Variants in CHD7 observed in about 807,000 individuals in gnomAD.
The protein encoded by CHD7 is chromodomain helicase DNA binding protein 7, also known as ATP-dependent chromatin remodeler CHD7.
CHD7 carries 24 observed loss-of-function variants against 307.3 expected under a neutral mutation model. The ratio of observed to expected loss-of-function variants is 0.08; its 90% CI spans 0.06 to 0.11. The LOEUF is 0.11. CHD7 is among the 10% of genes least tolerant of loss of function. CHD7 has a pLI of 1.00. For missense variants in CHD7, 3,106 were observed against 3,727.1 expected (o/e 0.83, Z 4.34); for synonymous variants, 1,363 against 1,349.9 (o/e 1.01, Z -0.21).
rs1216364151 is a variant in CHD7 at position 60,741,893 on chromosome 8, A to G, written c.461A>G (p.Asp154Gly). Residue 154 changes from aspartate (D) to glycine (G), a missense_variant, in exon 2 of 38, where the codon GAC becomes GGC. Asp to Gly is a moderately conservative substitution (Grantham distance 94). Transcript: ENST00000423902. ...GGCCCCAGGGCTGTTCAGGTACCAG[A>G]CCAGATACGAGCCCCCTACCAGCAG... ...MWGPRAVQVP[D>G]QIRAPYQQQQ... 1 of 1,613,276 alleles carries G rather than the reference A, an allele frequency of 6.2e-7. No individual in the cohort carries two copies. The highest frequency in any genetic ancestry group is 1.3e-5 in the African/African-American group (1 of 74,978).
chr8:60,865,780 T>C lies in CHD7; in HGVS notation c.8841T>C (p.Phe2947=), dbSNP rs1196024305. 1 of 1,613,888 alleles carries C rather than the reference T, an allele frequency of 6.2e-7. No homozygotes were observed. Among genetic ancestry groups the C allele is most frequent in the Non-Finnish European group, 8.5e-7 (1 of 1,179,890 alleles). Residue 2947 remains phenylalanine, a synonymous_variant, in exon 38 of 38, where the codon TTT becomes TTC. Transcript: ENST00000423902. This position sits in a 1 kb window ranked among gnomAD's most constrained non-coding sequence, Gnocchi z 4.3. ...CTGACAAGGCTGAGGGAGGACCCTT[T>C]AAAGATGGAGAGACCCTTGAAGGCA... The part of the protein sequence containing the change: ...KAADKAEGGP[F]KDGETLEGSD...
At chr8:60,774,483 C>T (rs552104753) in intron 2 of CHD7, among the ~76,000 whole-genome samples, 2 of 152,216 alleles carry the variant, frequency 1.3e-5, no homozygotes, top group African/African-American at 4.8e-5. Flanking sequence ...GCTCAGCACC[C>T]TCTTCCCATT....
At chr8:60,785,204 A>G (rs961178562) in intron 3 of CHD7, among the ~76,000 whole-genome samples, 2 of 152,186 alleles carry the variant, frequency 1.3e-5, no homozygotes, top group African/African-American at 2.4e-5. Context: ...AGCTATATAA[A>G]GATTCTTTGA....
At chr8:60,733,755 T>C (rs776463933) in intron 1 of CHD7, among the ~76,000 whole-genome samples, 2 of 151,782 alleles carry the variant, frequency 1.3e-5, no homozygotes, top group Non-Finnish European at 2.9e-5. Flanking sequence ...GCCTCAATAC[T>C]GCATGAAGGA....
chr8:60,796,516 TTC>T (rs1443964734), intron 4 of CHD7, among the ~76,000 whole-genome samples: 1 of 152,220 alleles, frequency 6.6e-6, no homozygotes, highest in Non-Finnish European at 1.5e-5. Context: ...GTAGAGGAAA[TTC>T]TGTTATGTTG....
intron 8 of CHD7, among the ~76,000 whole-genome samples, chr8:60,818,599 A>C (rs1370922041): frequency 2.0e-5 from 3 of 151,938 alleles, no homozygotes; most frequent in Non-Finnish European, 2.9e-5. Flanking sequence ...TTTTTGCCTT[A>C]CTAATCTACC....
chr8:60,698,263 C>T (rs1281658439), intron 1 of CHD7, among the ~76,000 whole-genome samples: 2 of 152,086 alleles, frequency 1.3e-5, no homozygotes, highest in Non-Finnish European at 2.9e-5. Flanking sequence ...AGGGAAGGAC[C>T]CCCTTTACCT....
At chr8:60,788,625 C>T (rs1322754215) in intron 3 of CHD7, among the ~76,000 whole-genome samples, 5 of 152,116 alleles carry the variant, frequency 3.3e-5, no homozygotes, top group African/African-American at 2.4e-5. Context: ...TTGAGGGTGG[C>T]GAGGCACCTG....
In CHD7 at chr8:60,742,162, A is replaced by C; in HGVS notation, c.730A>C (p.Ser244Arg). 1 of 1,613,956 alleles carries C rather than the reference A, an allele frequency of 6.2e-7. No homozygotes were observed. Among genetic ancestry groups the C allele is most frequent in the Non-Finnish European group, 8.5e-7 (1 of 1,179,876 alleles). ...GTCCCACGTGCCCCAGCAGAGTCCC[A>C]GCATGGCACCTTCCTTGCGTCACTC... ...HLSHVPQQSP[S>R]MAPSLRHSVQ... Residue 244 changes from serine to arginine, a missense_variant, in exon 2 of 38, where the codon AGC becomes CGC. This residue lies in a region of CHD7 where 998 missense variants were observed against 1,004.5 expected (regional missense o/e 0.99). Coordinates refer to ENST00000423902, the MANE Select transcript of CHD7 (RefSeq NM_017780.4).
At chr8:60,745,767 G>A (rs77217279) in intron 2 of CHD7, among the ~76,000 whole-genome samples, 1,560 of 152,238 alleles carry the variant, frequency 0.01, 30 homozygotes, top group African/African-American at 0.036. Context: ...GTGGACCCCA[G>A]CTCTATTGCT....
At chr8:60,707,354 G>A (rs1807071723) in intron 1 of CHD7, among the ~76,000 whole-genome samples, 1 of 152,162 alleles carries the variant, frequency 6.6e-6, no homozygotes, top group Non-Finnish European at 1.5e-5. Flanking sequence ...CTGTGGAAAG[G>A]AATTTGCTTG....
Position 60,867,235 on chromosome 8 carries a change from AG to A in CHD7, c.*1303del, listed in dbSNP as rs1806269655. 2 of 152,266 alleles carry A rather than the reference AG, an allele frequency of 1.3e-5. No individual in the cohort carries two copies. Among genetic ancestry groups the A allele is most frequent in the Admixed American group, 1.3e-4 (2 of 15,280 alleles). 9.4% of individuals were successfully genotyped at this position (152,266 alleles called of 1,614,324 possible). On this transcript the variant is annotated 3_prime_UTR_variant, in exon 38 of 38. Coordinates refer to ENST00000423902, the MANE Select transcript of CHD7 (RefSeq NM_017780.4). The stretch of plus-strand genomic sequence containing the variant: ...GTACACTGAAGAACAAAAGGGCAAA[AG>A]AAAAATGAGGCTTTAACAGGCACAA...
intron 2 of CHD7, among the ~76,000 whole-genome samples, chr8:60,772,774 T>C (rs564732905): frequency 3.3e-5 from 5 of 152,358 alleles, no homozygotes; most frequent in Non-Finnish European, 7.3e-5. Context: ...TTTACTTTGT[T>C]AAGGCCCATG....
At chr8:60,776,166 T>C (rs1466964563) in intron 2 of CHD7, among the ~76,000 whole-genome samples, 1 of 152,226 alleles carries the variant, frequency 6.6e-6, no homozygotes, top group East Asian at 1.9e-4. Flanking sequence ...TTAATTCATA[T>C]AGTCATTCAG....
In CHD7 at chr8:60,742,395, A is replaced by G; in HGVS notation, c.963A>G (p.Gly321=). The G allele has an allele frequency of 6.2e-7, 1 of 1,613,980 alleles. No individual in the cohort carries two copies. The highest frequency in any genetic ancestry group is 8.5e-7 in the Non-Finnish European group (1 of 1,179,834). Residue 321 remains glycine, a synonymous_variant, in exon 2 of 38, where the codon GGA becomes GGG. Transcript: ENST00000423902. The part of the protein sequence containing the change: ...SRYPYSNLNQ[G]LVNNTGMNQN... ...ATCCTTACAGTAACCTAAATCAGGGATTAGTTAACAATACAGGGATGAATC... is the reference window on the plus strand; with the variant it reads ...ATCCTTACAGTAACCTAAATCAGGGGTTAGTTAACAATACAGGGATGAATC...
At chr8:60,735,176 T>C (rs2150568011) in intron 1 of CHD7, among the ~76,000 whole-genome samples, 1 of 152,330 alleles carries the variant, frequency 6.6e-6, no homozygotes, top group East Asian at 1.9e-4. Flanking sequence ...CTGTTAACCT[T>C]GAATATTTTT....
At chr8:60,733,758 A>G (rs1808572212) in intron 1 of CHD7, among the ~76,000 whole-genome samples, 1 of 151,380 alleles carries the variant, frequency 6.6e-6, no homozygotes, top group South Asian at 2.1e-4. Flanking sequence ...TCAATACTGC[A>G]TGAAGGAACA....
At chr8:60,770,649 G>A (rs1810664047) in intron 2 of CHD7, among the ~76,000 whole-genome samples, 1 of 152,180 alleles carries the variant, frequency 6.6e-6, no homozygotes, top group Admixed American at 6.5e-5. Flanking sequence ...GCTTGAAAAT[G>A]CAGAGGTTTT....
chr8:60,838,967 TACAA>T (rs1173568123), intron 19 of CHD7, among the ~76,000 whole-genome samples: 1 of 152,272 alleles, frequency 6.6e-6, no homozygotes, highest in African/African-American at 2.4e-5. Context: ...GTCTTTCGTG[TACAA>T]TTCAATGCCT....
Sources: gnomAD v4.1 joint callset for allele counts (sites outside exome capture counted in the v4.1 genomes callset) on GRCh38, gnomAD v4.1.1 for gene constraint, gnomAD v4.1.1 regional missense constraint, Gnocchi (gnomAD v3.1) non-coding constraint, MANE v1.5 for transcripts, NCBI Gene and HGNC (gene_info 2026-07-23, HGNC 2026-07-21) for gene names.